Variants in TWSG1 observed in about 807,000 individuals in gnomAD.
TWSG1 encodes the protein twisted gastrulation protein homolog 1.
Under a neutral mutation model 23.0 loss-of-function variants are expected in TWSG1, and 15 were observed. That is an observed-to-expected ratio of 0.65 (90% confidence interval 0.44 to 1.00). The LOEUF (loss-of-function observed/expected upper bound fraction) is 1.00, where lower values mean the gene tolerates loss of function less well. Among genes scored for constraint, TWSG1 ranks in the 50% least tolerant of loss-of-function variants. The pLI, the probability that TWSG1 is intolerant of heterozygous loss-of-function variation, is 0.00. For missense variants in TWSG1, 242 were observed against 278.7 expected (o/e 0.87, Z 0.94); for synonymous variants, 86 against 92.8 (o/e 0.93, Z 0.42).
chr18:9,399,209 C>T, intron 4 of TWSG1, 137 bp from the exon 5 acceptor site: 2 of 445,006 alleles, frequency 4.5e-6, no homozygotes, highest in Non-Finnish European at 7.6e-6. Context: ...TTTTCCTGTA[C>T]CTCATCTTTG....
chr18:9,372,448 A>T (rs11878159), intron 3 of TWSG1, among the ~76,000 whole-genome samples: 51,308 of 148,806 alleles, frequency 0.34, 8,960 homozygotes, highest in Admixed American at 0.37. Context: ...TATCTTAATA[A>T]TTTCAGATGA....
chr18:9,386,776 AT>A (rs966412718), intron 3 of TWSG1, among the ~76,000 whole-genome samples: 3 of 152,208 alleles, frequency 2.0e-5, no homozygotes, highest in Non-Finnish European at 4.4e-5. Context: ...ATTCTAAAAT[AT>A]TTCAGAAAGA....
intron 2 of TWSG1, among the ~76,000 whole-genome samples, chr18:9,351,972 T>C (rs574052353): frequency 3.0e-4 from 45 of 152,224 alleles, no homozygotes; most frequent in African/African-American, 1.1e-3. Flanking sequence ...ATGTACAGTT[T>C]TATGATTTTT....
chr18:9,337,737 T>C (rs73399920), intron 2 of TWSG1, among the ~76,000 whole-genome samples: 2 of 152,216 alleles, frequency 1.3e-5, no homozygotes, highest in African/African-American at 4.8e-5. Context: ...TATGATGTAT[T>C]AGTTGTCCAT....
chr18:9,373,246 C>G (rs891137733), intron 3 of TWSG1, among the ~76,000 whole-genome samples: 4 of 152,104 alleles, frequency 2.6e-5, no homozygotes, highest in African/African-American at 4.8e-5. Flanking sequence ...CAGCATTAAA[C>G]TATGTAAGGC....
intron 3 of TWSG1, among the ~76,000 whole-genome samples, chr18:9,371,190 T>C (rs1416273914): frequency 6.6e-6 from 1 of 152,132 alleles, no homozygotes; most frequent in African/African-American, 2.4e-5. Flanking sequence ...GATTGCATTA[T>C]GAATATTTAG....
chr18:9,391,278 A>G (rs1327213128), intron 3 of TWSG1, among the ~76,000 whole-genome samples: 1 of 152,190 alleles, frequency 6.6e-6, no homozygotes, highest in East Asian at 1.9e-4. Flanking sequence ...TGCTATTTCC[A>G]CTACATTTTC....
chr18:9,336,186 G>A (rs1387942022), intron 1 of TWSG1, among the ~76,000 whole-genome samples: 3 of 152,156 alleles, frequency 2.0e-5, no homozygotes, highest in Non-Finnish European at 4.4e-5. Flanking sequence ...GAGGTCAGGA[G>A]ATCGAGACCA....
intron 2 of TWSG1, among the ~76,000 whole-genome samples, chr18:9,339,309 T>C (rs891269203): frequency 2.0e-5 from 3 of 152,196 alleles, no homozygotes; most frequent in African/African-American, 7.2e-5. Flanking sequence ...TAAAGGTTTT[T>C]TTGTTTGTTT....
At chr18:9,352,226 T>A (rs1490933545) in intron 2 of TWSG1, among the ~76,000 whole-genome samples, 1 of 152,204 alleles carries the variant, frequency 6.6e-6, no homozygotes, top group Non-Finnish European at 1.5e-5. Context: ...AGTATAATGC[T>A]TTGAGATTCA....
At chr18:9,387,609 A>AG (rs2040691122) in intron 3 of TWSG1, among the ~76,000 whole-genome samples, 2 of 106,968 alleles carry the variant, frequency 1.9e-5, no homozygotes, top group Admixed American at 1.8e-4. Context: ...TACTAAAAAT[A>AG]CAAAAAAAAA....
chr18:9,357,096 C>T (rs1319041408), intron 2 of TWSG1, among the ~76,000 whole-genome samples: 1 of 151,586 alleles, frequency 6.6e-6, no homozygotes, highest in Non-Finnish European at 1.5e-5. Flanking sequence ...TGTTTTTCTA[C>T]ATTTCCAACT....
rs1388669525 is a variant in TWSG1, at chr18:9,358,285, C to T, written c.124-1687C>T. ...TTTTTACCTCTTATTTTGAAACGGC[C>T]TCCCCAGTACCAGCTCTGTATGATC... On this transcript the variant is annotated intron_variant, in intron 2 of 4. Coordinates refer to ENST00000262120, the MANE Select transcript of TWSG1 (RefSeq NM_020648.6). Among the ~76,000 whole-genome samples the T allele has an allele frequency of 2.0e-5, 3 of 152,076 alleles. No homozygotes were observed. In the East Asian group the frequency reaches 5.8e-4, roughly 29 times the overall value.
intron 3 of TWSG1, among the ~76,000 whole-genome samples, chr18:9,360,442 T>C (rs1181814264): frequency 1.3e-5 from 2 of 152,194 alleles, no homozygotes; most frequent in African/African-American, 4.8e-5. Flanking sequence ...AAAAGTCAGG[T>C]TCAAAATTAT....
intron 2 of TWSG1, among the ~76,000 whole-genome samples, chr18:9,341,675 G>A (rs1173791317): frequency 6.6e-6 from 1 of 151,962 alleles, no homozygotes; most frequent in African/African-American, 2.4e-5. Context: ...TTATCTCTTG[G>A]TTATTTTTTC....
chr18:9,356,364 C>T (rs751125957), intron 2 of TWSG1, among the ~76,000 whole-genome samples: 6 of 152,116 alleles, frequency 3.9e-5, no homozygotes, highest in Non-Finnish European at 7.4e-5. Context: ...TCTGTTTGTT[C>T]GCAGTAATCT....
chr18:9,396,184 C>A, intron 3 of TWSG1, 96 bp from the exon 4 acceptor site: 7 of 837,968 alleles, frequency 8.4e-6, no homozygotes, highest in Non-Finnish European at 1.3e-5. Context: ...GGAAAATATC[C>A]ATGTGTAATC....
intron 3 of TWSG1, among the ~76,000 whole-genome samples, chr18:9,361,309 G>A (rs2040551331): frequency 6.6e-6 from 1 of 151,862 alleles, no homozygotes; most frequent in Non-Finnish European, 1.5e-5. Flanking sequence ...TATCTTTATG[G>A]GATTCTTAAT....
intron 2 of TWSG1, among the ~76,000 whole-genome samples, chr18:9,340,692 G>A (rs916860753): frequency 1.2e-4 from 18 of 152,138 alleles, no homozygotes; most frequent in African/African-American, 3.6e-4. Context: ...TTAGCAAGGC[G>A]GCTTGAAGGT....
Sources: gnomAD v4.1 joint callset for allele counts (sites outside exome capture counted in the v4.1 genomes callset) on GRCh38, gnomAD v4.1.1 for gene constraint, MANE v1.5 for transcripts, NCBI Gene and HGNC (gene_info 2026-07-23, HGNC 2026-07-21) for gene names.